The following WWOX variants were observed in gnomAD, a reference collection of about 807,000 sequenced individuals.
WWOX encodes the protein WW domain-containing oxidoreductase.
WWOX carries 69 observed loss-of-function variants against 46.2 expected under a neutral mutation model. That is an observed-to-expected ratio of 1.49 (90% CI 1.23 to 1.82). The LOEUF is 1.82. WWOX is among the 40% of genes most tolerant of loss of function. The pLI, the probability that WWOX is intolerant of heterozygous loss-of-function variation, is 0.00. For missense variants in WWOX, 919 were observed against 542.6 expected (o/e 1.69, Z -6.89); for synonymous variants, 359 against 202.6 (o/e 1.77, Z -6.56).
intron 8 of WWOX, among the ~76,000 whole-genome samples, chr16:79,183,411 C>T (rs1175799591): frequency 2.0e-5 from 3 of 152,176 alleles, no homozygotes; most frequent in Non-Finnish European, 2.9e-5. Context: ...GCGCAGATGA[C>T]GTTCAGAACT....
intron 8 of WWOX, among the ~76,000 whole-genome samples, chr16:78,794,947 ATAAAT>A (rs2050699203): frequency 6.6e-6 from 1 of 152,236 alleles, no homozygotes; most frequent in Non-Finnish European, 1.5e-5. Flanking sequence ...TCTATGGTTG[ATAAAT>A]TAATGTTATC....
intron 6 of WWOX, among the ~76,000 whole-genome samples, chr16:78,424,107 C>CT (rs199817825): frequency 0.088 from 8,931 of 101,736 alleles, 702 homozygotes; most frequent in African/African-American, 0.27. Context: ...CTTTTCTTTT[C>CT]TTTTTTTTTT....
intron 8 of WWOX, among the ~76,000 whole-genome samples, chr16:78,650,519 A>G (rs1003557073): frequency 2.0e-5 from 3 of 152,180 alleles, no homozygotes; most frequent in African/African-American, 7.2e-5. Context: ...CCCAAATCTA[A>G]AGCCCGAGTC....
chr16:78,326,852 T>A (rs2080634591), intron 5 of WWOX, among the ~76,000 whole-genome samples: 1 of 152,092 alleles, frequency 6.6e-6, no homozygotes, highest in Non-Finnish European at 1.5e-5. Context: ...TAAAGCTCAG[T>A]ATCTGGGGCT....
At chr16:79,098,180 T>C (rs1487359953) in intron 8 of WWOX, among the ~76,000 whole-genome samples, 1 of 152,198 alleles carries the variant, frequency 6.6e-6, no homozygotes, top group South Asian at 2.1e-4. Flanking sequence ...AACACACAGA[T>C]GCCTGGGCCT....
At chr16:78,435,966 A>G (rs1214720835) in intron 8 of WWOX, among the ~76,000 whole-genome samples, 1 of 152,194 alleles carries the variant, frequency 6.6e-6, no homozygotes, top group Admixed American at 6.5e-5. Context: ...TGAGTTCTAA[A>G]AATGTGGCTA....
chr16:78,519,475 A>G (rs565866344), intron 8 of WWOX, among the ~76,000 whole-genome samples: 1 of 151,714 alleles, frequency 6.6e-6, no homozygotes, highest in South Asian at 2.1e-4. Flanking sequence ...CTTCATTTAT[A>G]TTATACATCT....
chr16:78,704,260 T>G (rs1299606732), intron 8 of WWOX, among the ~76,000 whole-genome samples: 1 of 152,188 alleles, frequency 6.6e-6, no homozygotes, highest in Non-Finnish European at 1.5e-5. Flanking sequence ...GATCTCAACT[T>G]GGATCCCATA....
chr16:78,606,555 C>A (rs1254163832), intron 8 of WWOX, among the ~76,000 whole-genome samples: 1 of 151,926 alleles, frequency 6.6e-6, no homozygotes, highest in Non-Finnish European at 1.5e-5. Flanking sequence ...ATCCTGTTGA[C>A]CTGTCAGCTT....
intron 8 of WWOX, among the ~76,000 whole-genome samples, chr16:78,854,673 C>G (rs898577753): frequency 6.6e-6 from 1 of 152,150 alleles, no homozygotes; most frequent in African/African-American, 2.4e-5. Context: ...CTCCGCCTCC[C>G]GGGTTCAAGT....
chr16:78,950,670 C>T (rs2046042277), intron 8 of WWOX, among the ~76,000 whole-genome samples: 2 of 151,942 alleles, frequency 1.3e-5, no homozygotes, highest in South Asian at 2.1e-4. Context: ...AATCCTTTTT[C>T]CTTGGGTCAG....
At chr16:78,241,448 G>C (rs531074721) in intron 5 of WWOX, among the ~76,000 whole-genome samples, 1 of 152,130 alleles carries the variant, frequency 6.6e-6, no homozygotes, top group African/African-American at 2.4e-5. Flanking sequence ...TTTGTTTTGA[G>C]AGGGAGTTTT....
intron 8 of WWOX, among the ~76,000 whole-genome samples, chr16:78,914,648 G>A (rs1229690386): frequency 6.6e-6 from 1 of 151,844 alleles, no homozygotes; most frequent in East Asian, 1.9e-4. Flanking sequence ...GGGAGGCGGA[G>A]GCGGGCAGAT....
rs765339835 is a variant in WWOX at position 78,432,625 on chromosome 16, G to A, written c.929G>A (p.Arg310His). 55 of 1,614,028 alleles carry A rather than the reference G, an allele frequency of 3.4e-5. No individual in the cohort carries two copies. In the East Asian group the frequency reaches 1.1e-3, roughly 33 times the overall value. Residue 310 changes from arginine (R) to histidine (H), a missense_variant, in exon 8 of 9, where the codon CGC becomes CAC. Physicochemically the swap from Arg to His is conservative, Grantham distance 29 (BLOSUM62 0). Coordinates refer to ENST00000566780, the MANE Select transcript of WWOX (RefSeq NM_016373.4). ...CTCTTCTCCAACGAGCTGCACCGTC[G>A]CCTCTCCCCACGCGGGGTCACGTCG... ...NILFSNELHRRLSPRGVTSNA... is the reference protein window; with the variant it reads ...NILFSNELHRHLSPRGVTSNA...
At chr16:78,345,463 A>AAAG (rs2081078195) in intron 5 of WWOX, among the ~76,000 whole-genome samples, 1 of 17,048 alleles carries the variant, frequency 5.9e-5, no homozygotes, top group African/African-American at 2.4e-4. Context: ...GCTACCAAAA[A>AAAG]AAAAAAAAAA....
chr16:79,031,776 G>A (rs1024220498), intron 8 of WWOX, among the ~76,000 whole-genome samples: 34 of 140,696 alleles, frequency 2.4e-4, no homozygotes, highest in African/African-American at 8.6e-4. Flanking sequence ...ATAATATATA[G>A]AAAGATATAT....
intron 8 of WWOX, among the ~76,000 whole-genome samples, chr16:78,609,678 C>G (rs77880772): frequency 6.6e-6 from 1 of 152,142 alleles, no homozygotes; most frequent in African/African-American, 2.4e-5. Context: ...ACATCTACTC[C>G]AAGTTTGCAT....
At position 78,909,723 on chromosome 16, in the gene WWOX, A is replaced by G. The variant is rs764089969; in HGVS notation, c.1057-301885A>G. On this transcript the variant is annotated intron_variant, in intron 8 of 8. Coordinates refer to ENST00000566780, the MANE Select transcript of WWOX (RefSeq NM_016373.4). ...CATAGTTTGTTCTTTAAGCAAAACC[A>G]TATGCATCGTATTTTAAATGGAACA... 3.9e-5 allele frequency among the ~76,000 whole-genome samples: 6 copies of G among 152,332 alleles called. No individual in the cohort carries two copies. The East Asian group carries it at 5.8e-4, about 15-fold the overall frequency.
intron 5 of WWOX, among the ~76,000 whole-genome samples, chr16:78,316,296 T>C (rs1294745040): frequency 6.6e-6 from 1 of 152,150 alleles, no homozygotes; most frequent in Non-Finnish European, 1.5e-5. Flanking sequence ...AATATTGTTC[T>C]GTTGTGTACC....
Sources: allele counts gnomAD v4.1 joint callset (sites outside exome capture counted in the v4.1 genomes callset), GRCh38; gene constraint gnomAD v4.1.1; transcripts MANE v1.5; gene names NCBI Gene and HGNC (gene_info 2026-07-23, HGNC 2026-07-21).